UBAP2: variants seen among roughly 807,000 people sequenced by gnomAD.
UBAP2 encodes ubiquitin associated protein 2.
A neutral mutation model predicts 139.6 loss-of-function variants in UBAP2; 75 were observed. The ratio of observed to expected loss-of-function variants is 0.54; its 90% CI spans 0.45 to 0.65. The LOEUF (loss-of-function observed/expected upper bound fraction) is 0.65, where lower values mean the gene tolerates loss of function less well. Ranked by LOEUF, UBAP2 falls within the 30% of genes least tolerant of loss-of-function variation. UBAP2 has a pLI of 0.00. For missense variants in UBAP2, 1,368 were observed against 1,369.6 expected, an observed-to-expected ratio of 1.00 and a Z score of 0.02; for synonymous variants, 526 against 526.2, an observed-to-expected ratio of 1.00 and a Z score of 0.01.
At chr9:34,039,348 A>G (rs1466013697) in intron 1 of UBAP2, among the ~76,000 whole-genome samples, 7 of 152,260 alleles carry the variant, frequency 4.6e-5, no homozygotes, top group Admixed American at 3.3e-4. Flanking sequence ...CTCATCTGGG[A>G]GGTGTACCCA....
At chr9:33,982,453 A>G (rs981623265) in intron 6 of UBAP2, among the ~76,000 whole-genome samples, 9 of 152,238 alleles carry the variant, frequency 5.9e-5, no homozygotes. Flanking sequence ...TAGTTTGCCT[A>G]CATAGCTGCT....
Position 33,948,821 on chromosome 9 carries a change from A to C in UBAP2, c.1057-234T>G, listed in dbSNP as rs571879244. 5.0e-4 allele frequency: 220 copies of C among 442,866 alleles called. 1 individual carries two copies. The highest frequency in any genetic ancestry group is 7.8e-4 in the Non-Finnish European group (194 of 248,788). 27.4% of individuals were successfully genotyped at this position (442,866 alleles called of 1,614,324 possible). A position where few individuals can be genotyped will look rare whatever the true frequency, so the allele number is the denominator to read the frequency against. The stretch of plus-strand genomic sequence containing the variant: ...ACATAAGAAGTTAAAGGGAAGGGAA[A>C]TATTTGCCATGAATTTGAAGAAATC... On this transcript the variant is annotated intron_variant, in intron 12 of 28. Coordinates refer to ENST00000379238, the MANE Select transcript of UBAP2 (RefSeq NM_001370062.2).
chr9:34,041,176 G>C (rs1023624726), intron 1 of UBAP2, among the ~76,000 whole-genome samples: 7 of 152,006 alleles, frequency 4.6e-5, no homozygotes, highest in African/African-American at 7.2e-5. Context: ...CAACGGGCCG[G>C]GCACGATGGC....
At chr9:33,926,369 G>T (rs547709544) in intron 22 of UBAP2, among the ~76,000 whole-genome samples, 1 of 152,272 alleles carries the variant, frequency 6.6e-6, no homozygotes, top group South Asian at 2.1e-4. Context: ...AGGGGACATG[G>T]CCTACCAGGG....
intron 17 of UBAP2, among the ~76,000 whole-genome samples, chr9:33,934,557 T>TA (rs1824288835): frequency 6.6e-6 from 1 of 152,104 alleles, no homozygotes; most frequent in African/African-American, 2.4e-5. Flanking sequence ...TGTTCATAGA[T>TA]AAACTGTATA....
chr9:34,031,568 A>G (rs1825892345), intron 1 of UBAP2, among the ~76,000 whole-genome samples: 1 of 151,868 alleles, frequency 6.6e-6, no homozygotes, highest in Admixed American at 6.6e-5. Context: ...CGGCCTCCCA[A>G]AGTGCTGGGA....
chr9:34,038,153 A>G (rs868060039), intron 1 of UBAP2, among the ~76,000 whole-genome samples: 18,324 of 144,600 alleles, frequency 0.13, 1,480 homozygotes, highest in African/African-American at 0.22. Context: ...GAAAAAAAAA[A>G]AAAAAAAAAA....
At chr9:34,035,553 C>T (rs191816107) in intron 1 of UBAP2, among the ~76,000 whole-genome samples, 25 of 117,340 alleles carry the variant, frequency 2.1e-4, no homozygotes, top group African/African-American at 7.1e-4. Flanking sequence ...TGTGGTGGCA[C>T]GTGCCTGTAA....
intron 16 of UBAP2, among the ~76,000 whole-genome samples, chr9:33,938,726 G>A (rs1824815285): frequency 6.6e-6 from 1 of 151,222 alleles, no homozygotes; most frequent in Non-Finnish European, 1.5e-5. Context: ...AACCCGGGAG[G>A]TGGAGGTTGG....
chr9:33,956,234 G>A, intron 10 of UBAP2, 88 bp from the exon 11 acceptor site: 1 of 889,820 alleles, frequency 1.1e-6, no homozygotes, highest in South Asian at 1.5e-5. Flanking sequence ...GTCATCAGTA[G>A]TCTCTTACAC....
chr9:34,010,646 C>T (rs1353751816), intron 2 of UBAP2, among the ~76,000 whole-genome samples: 1 of 152,078 alleles, frequency 6.6e-6, no homozygotes, highest in Non-Finnish European at 1.5e-5. Context: ...CTCAACTTTT[C>T]TTCATCTGTG....
At chr9:34,023,982 T>C (rs111839706) in intron 1 of UBAP2, among the ~76,000 whole-genome samples, 2 of 151,840 alleles carry the variant, frequency 1.3e-5, no homozygotes, top group African/African-American at 4.8e-5. Flanking sequence ...AGGCGGAGTC[T>C]GCAGGGAGCC....
chr9:33,956,657 G>A (rs916521632), intron 10 of UBAP2, among the ~76,000 whole-genome samples: 1 of 151,994 alleles, frequency 6.6e-6, no homozygotes, highest in African/African-American at 2.4e-5. Flanking sequence ...AGATTGAAAG[G>A]CCTACAAGAA....
chr9:34,045,089 T>A (rs1355270098), intron 1 of UBAP2, among the ~76,000 whole-genome samples: 1 of 150,976 alleles, frequency 6.6e-6, no homozygotes, highest in Non-Finnish European at 1.5e-5. Context: ...GGCTCACCCC[T>A]GTAATCCCAG....
At chr9:34,047,713 G>A (rs1423955996) in intron 1 of UBAP2, among the ~76,000 whole-genome samples, 1 of 152,158 alleles carries the variant, frequency 6.6e-6, no homozygotes. Flanking sequence ...GAGCACCGTG[G>A]TGCACACTGT....
chr9:33,971,891 C>A, intron 7 of UBAP2, 137 bp from the exon 8 acceptor site: 1 of 578,918 alleles, frequency 1.7e-6, no homozygotes, highest in East Asian at 2.9e-5. Flanking sequence ...CTCTCCTTCC[C>A]CTATTTAAAT....
chr9:33,922,399 C>A lies in UBAP2; in HGVS notation c.*105G>T, dbSNP rs200858756. The A allele has an allele frequency of 1.5e-5, 17 of 1,110,370 alleles. No individual in the cohort carries two copies. The highest frequency in any genetic ancestry group is 9.9e-5 in the Admixed American group (5 of 50,276). The allele number at this position is 1,110,370 out of a possible 1,614,324, so 68.8% of individuals were successfully genotyped here. A position where few individuals can be genotyped will look rare whatever the true frequency, so the allele number is the denominator to read the frequency against. On this transcript the variant is annotated 3_prime_UTR_variant, in exon 29 of 29. Transcript: ENST00000379238. ...ACTCCCCACAGAGGCATGGCTGACA[C>A]ATGTCGGGAATTCTAGGAAAGGGCA...
Position 33,988,972 on chromosome 9 carries a change from C to T in UBAP2, c.442+1G>A. 1 of 1,610,432 alleles carries T rather than the reference C, an allele frequency of 6.2e-7. No individual in the cohort carries two copies. Among genetic ancestry groups the T allele is most frequent in the Non-Finnish European group, 8.5e-7 (1 of 1,178,844 alleles). The stretch of plus-strand genomic sequence containing the variant: ...AAACTGAGGAGAAAGTCTGTACTTA[C>T]ATTCTCTGCCACGATTGCCGCCTCT... On this transcript the variant is annotated splice_donor_variant, in intron 5 of 28. Transcript: ENST00000379238. LOFTEE classifies it high-confidence loss of function.
chr9:33,933,681 A>G, intron 17 of UBAP2, 53 bp from the exon 18 acceptor site: 1 of 1,594,868 alleles, frequency 6.3e-7, no homozygotes, highest in Non-Finnish European at 8.6e-7. Flanking sequence ...TCTAAAACCA[A>G]TCCTAAGTGC....
Sources: allele counts gnomAD v4.1 joint callset (sites outside exome capture counted in the v4.1 genomes callset), GRCh38; gene constraint gnomAD v4.1.1; transcripts MANE v1.5; gene names NCBI Gene and HGNC (gene_info 2026-07-23, HGNC 2026-07-21).